Variants in RABL6 observed in about 807,000 individuals in gnomAD.
The protein encoded by RABL6 is rab-like protein 6.
Under a neutral mutation model 72.9 loss-of-function variants are expected in RABL6, and 28 were observed. The observed-to-expected ratio is 0.38, with a 90% confidence interval of 0.28 to 0.53. The LOEUF (loss-of-function observed/expected upper bound fraction) is 0.53. Among genes scored for constraint, RABL6 ranks in the 20% least tolerant of loss-of-function variants. The pLI is 0.80. For synonymous variants in RABL6, 477 were observed against 421.2 expected (o/e 1.13, Z -1.62); for missense variants, 1,029 against 1,008.4 (o/e 1.02, Z -0.28).
In RABL6 at chr9:136,828,520, T is replaced by G; in HGVS notation, c.340T>G (p.Leu114Val). 1 of 1,613,332 alleles carries G rather than the reference T, an allele frequency of 6.2e-7. No individual in the cohort carries two copies. Among genetic ancestry groups the G allele is most frequent in the Non-Finnish European group, 8.5e-7 (1 of 1,179,792 alleles). Residue 114 changes from leucine to valine, a missense_variant, in exon 4 of 15, where the codon TTA (leucine) becomes GTA (valine). Around this residue, in one of 2 missense-constraint regions of RABL6, gnomAD observed 434 missense variants for 536.1 expected, o/e 0.81. Coordinates refer to ENST00000311502, the MANE Select transcript of RABL6 (RefSeq NM_024718.5). ...KGKCKKRGDG[L>V]KMENDPQEAE... The stretch of plus-strand genomic sequence containing the variant: ...AAAATGCAAAAAGCGAGGCGACGGC[T>G]TAAAGATGGAGAACGACCCCCAGGA...
chr9:136,839,620 C>T, intron 12 of RABL6, 74 bp from the exon 13 acceptor site: 2 of 1,544,090 alleles, frequency 1.3e-6, no homozygotes, highest in Non-Finnish European at 1.8e-6. Context: ...GCCTTGCCGG[C>T]CTGGTTTGAG....
chr9:136,817,545 G>A (rs984932991), intron 1 of RABL6, among the ~76,000 whole-genome samples: 17 of 150,892 alleles, frequency 1.1e-4, no homozygotes, highest in East Asian at 5.9e-4. Context: ...GGAGGCCGAC[G>A]TGGGCTGAGG....
Position 136,840,463 on chromosome 9 carries a change from C to CT in RABL6, c.2132dup (p.Gly714ArgfsTer166). On this transcript the variant is annotated frameshift_variant, in exon 15 of 15. Coordinates refer to ENST00000311502, the MANE Select transcript of RABL6 (RefSeq NM_024718.5). LOFTEE classifies it high-confidence loss of function. Reference sequence around the variant, plus strand: ...GGCTGCCGATGAGCTGGAGGCTTTCCTGGGGGGCGGGGCCCCGGGCGGCCG... The same window carrying CT: ...GGCTGCCGATGAGCTGGAGGCTTTCCTTGGGGGGCGGGGCCCCGGGCGGCCG... 6.5e-7 allele frequency: 1 copy of CT among 1,537,764 alleles called. No homozygotes were observed.
At chr9:136,839,640 C>T in intron 12 of RABL6, 54 bp from the exon 13 acceptor site, 1 of 1,549,068 alleles carries the variant, frequency 6.5e-7, no homozygotes, top group Non-Finnish European at 8.7e-7. Flanking sequence ...GATCCCACAA[C>T]CCCTGGGGGT....
intron 1 of RABL6, chr9:136,813,198 GCCTGATTGCCCTGCCCC>G (rs1848049999): frequency 2.0e-6 from 1 of 507,942 alleles, no homozygotes; most frequent in Non-Finnish European, 3.7e-6. Context: ...TGCAACTCCA[GCCTGATTGCCCTGCCCC>G]CAGTTTCCCT....
rs1848349415 is a variant in RABL6 at position 136,826,054 on chromosome 9, A to T, written c.313+228A>T. On this transcript the variant is annotated intron_variant, in intron 3 of 14. Coordinates refer to ENST00000311502, the MANE Select transcript of RABL6 (RefSeq NM_024718.5). The surrounding 1 kb of genome is among the most constrained non-coding windows in gnomAD (Gnocchi z 4.9). Reference sequence around the variant, plus strand: ...TGCTTTAGCATACTCCCCGTCTCTGAGTGACCGCGTGCACGGTGGCGGCAG... The same window carrying T: ...TGCTTTAGCATACTCCCCGTCTCTGTGTGACCGCGTGCACGGTGGCGGCAG... 1.3e-5 allele frequency among the ~76,000 whole-genome samples: 2 copies of T among 152,116 alleles called. No individual in the cohort carries two copies. The highest frequency in any genetic ancestry group is 1.3e-4 in the Admixed American group (2 of 15,276).
intron 1 of RABL6, among the ~76,000 whole-genome samples, chr9:136,816,440 C>T (rs1207528248): frequency 1.3e-5 from 2 of 151,166 alleles, no homozygotes; most frequent in Non-Finnish European, 2.9e-5. Flanking sequence ...TTAAGTTGGG[C>T]ATGGTGCCTC....
At chr9:136,828,668 G>A (rs868047189) in intron 4 of RABL6, 122 bp downstream of exon 4, 18 of 1,028,540 alleles carry the variant, frequency 1.8e-5, no homozygotes, top group Admixed American at 2.4e-5. Flanking sequence ...CACGGGGGCC[G>A]CTGGCCTTCC....
rs1189810970 is a variant in RABL6 at position 136,808,287 on chromosome 9, G to A, written c.91G>A (p.Ala31Thr). 21 of 1,562,654 alleles carry A rather than the reference G, an allele frequency of 1.3e-5. No homozygotes were observed. The highest frequency in any genetic ancestry group is 1.7e-5 in the Non-Finnish European group (20 of 1,156,070). The change falls in exon 1 of 15, where the codon GCG becomes ACG. Residue 31 changes from alanine to threonine, a missense_variant. By Grantham distance (58) the Ala-to-Thr change is moderately conservative. This residue lies in a region of RABL6 where 434 missense variants were observed against 536.1 expected (regional missense o/e 0.81). Transcript: ENST00000311502. The part of the protein sequence containing the change: ...IPAGLQSMNQ[A>T]LQRRFAKGVQ... ...CGCCGGGCTGCAGTCCATGAACCAG[G>A]CGTTGCAGAGGCGCTTCGCCAAGGG... is the stretch of plus-strand genomic sequence containing the variant.
intron 14 of RABL6, 28 bp from the exon 15 acceptor site, chr9:136,840,294 C>T: frequency 6.2e-7 from 1 of 1,606,458 alleles, no homozygotes. Flanking sequence ...CCTGTGACTC[C>T]ATGGCGCCCC....
chr9:136,823,760 A>C (rs1848292897), intron 2 of RABL6, 101 bp downstream of exon 2: 20 of 1,405,872 alleles, frequency 1.4e-5, no homozygotes, highest in Non-Finnish European at 1.9e-5. Flanking sequence ...CTCCCCGAAG[A>C]GTTCTTGTCT....
chr9:136,830,451 G>C (rs1163292446), intron 5 of RABL6, among the ~76,000 whole-genome samples: 1 of 152,240 alleles, frequency 6.6e-6, no homozygotes, highest in African/African-American at 2.4e-5. Context: ...CTCGGTGGGG[G>C]TGTGGCACAC....
intron 1 of RABL6, among the ~76,000 whole-genome samples, chr9:136,819,733 G>A (rs752802557): frequency 5.9e-5 from 9 of 152,160 alleles, no homozygotes; most frequent in Admixed American, 1.3e-4. Flanking sequence ...CTCAGAGAAA[G>A]TCTCTGGACC....
At chr9:136,813,171 T>C in intron 1 of RABL6, 1 of 473,018 alleles carries the variant, frequency 2.1e-6, no homozygotes, top group South Asian at 1.9e-5. Flanking sequence ...GGCTGGCTCC[T>C]GGCATCAGGT....
intron 1 of RABL6, among the ~76,000 whole-genome samples, chr9:136,815,809 A>G (rs1848107681): frequency 6.6e-6 from 1 of 152,242 alleles, no homozygotes; most frequent in Admixed American, 6.5e-5. Flanking sequence ...GAAGGAGTTA[A>G]ATTGAATCAG....
chr9:136,821,026 C>T (rs1848225256), intron 1 of RABL6, among the ~76,000 whole-genome samples: 2 of 152,188 alleles, frequency 1.3e-5, no homozygotes, highest in Admixed American at 6.5e-5. Context: ...CCCAACTCTC[C>T]GACGTTCTGC....
chr9:136,825,287 C>G (rs993819679), intron 2 of RABL6, among the ~76,000 whole-genome samples: 1 of 152,254 alleles, frequency 6.6e-6, no homozygotes, highest in African/African-American at 2.4e-5. Flanking sequence ...GTGACACAGG[C>G]GGGCCCATTC....
chr9:136,822,824 C>G (rs923833321), intron 1 of RABL6, among the ~76,000 whole-genome samples: 1 of 152,240 alleles, frequency 6.6e-6, no homozygotes, highest in African/African-American at 2.4e-5. Context: ...CGCAGTGGCT[C>G]ACGTCTGTAA....
intron 1 of RABL6, among the ~76,000 whole-genome samples, chr9:136,819,724 T>C (rs1453571908): frequency 6.6e-6 from 1 of 152,140 alleles, no homozygotes; most frequent in Non-Finnish European, 1.5e-5. Flanking sequence ...TACCGCAGGC[T>C]CAGAGAAAGT....
Sources: gnomAD v4.1 joint callset for allele counts (sites outside exome capture counted in the v4.1 genomes callset) on GRCh38, gnomAD v4.1.1 for gene constraint, gnomAD v4.1.1 regional missense constraint, Gnocchi (gnomAD v3.1) non-coding constraint, MANE v1.5 for transcripts, NCBI Gene and HGNC (gene_info 2026-07-23, HGNC 2026-07-21) for gene names.